The following PLCB1 variants were observed in gnomAD, a reference collection of about 807,000 sequenced individuals.
PLCB1 encodes the protein phospholipase C beta 1.
PLCB1 carries 46 observed loss-of-function variants against 161.8 expected under a neutral mutation model. The observed-to-expected ratio is 0.28, with a 90% CI of 0.22 to 0.36. The LOEUF (loss-of-function observed/expected upper bound fraction) is 0.36. Ranked by LOEUF, PLCB1 falls within the 10% of genes least tolerant of loss-of-function variation. The pLI, the probability that PLCB1 is intolerant of heterozygous loss-of-function variation, is 1.00. For synonymous variants in PLCB1, 517 were observed against 503.7 expected (o/e 1.03, Z -0.35); for missense variants, 1,016 against 1,472.5 (o/e 0.69, Z 5.07).
intron 2 of PLCB1, among the ~76,000 whole-genome samples, chr20:8,262,307 T>C (rs1246785424): frequency 6.6e-6 from 1 of 152,034 alleles, no homozygotes; most frequent in African/African-American, 2.4e-5. Context: ...GTCAGGCTGG[T>C]CTCGAACTCC....
intron 2 of PLCB1, among the ~76,000 whole-genome samples, chr20:8,296,370 G>A (rs1983630502): frequency 6.6e-6 from 1 of 152,064 alleles, no homozygotes. Context: ...CCTCACTTCC[G>A]TGCTGTGCTC....
In PLCB1 at chr20:8,628,370, G is replaced by C. The variant is rs1988424341; in HGVS notation, c.323G>C (p.Gly108Ala). The C allele has an allele frequency of 6.2e-7, 1 of 1,614,034 alleles. No homozygotes were observed. The highest frequency in any genetic ancestry group is 1.1e-5 in the South Asian group (1 of 91,074). Residue 108 changes from glycine (G) to alanine (A), a missense_variant, in exon 4 of 32, where the codon GGG becomes GCG. Gly to Ala is a moderately conservative substitution (Grantham distance 60, BLOSUM62 0). Coordinates refer to ENST00000338037, the MANE Select transcript of PLCB1 (RefSeq NM_015192.4). ...LEQRMITVVY[G>A]PDLVNISHLN... ...CAGCGCATGATCACAGTGGTGTATGGGCCTGACCTCGTGAACATCTCCCAT... is the reference window on the plus strand; with the variant it reads ...CAGCGCATGATCACAGTGGTGTATGCGCCTGACCTCGTGAACATCTCCCAT...
chr20:8,742,806 C>T (rs545044564), intron 23 of PLCB1, among the ~76,000 whole-genome samples: 62 of 152,240 alleles, frequency 4.1e-4, no homozygotes, highest in Non-Finnish European at 5.3e-4. Context: ...TGCAATGCTG[C>T]ACTATTTTAT....
chr20:8,348,280 A>G (rs1986059632), intron 2 of PLCB1, among the ~76,000 whole-genome samples: 1 of 152,190 alleles, frequency 6.6e-6, no homozygotes, highest in African/African-American at 2.4e-5. Context: ...TGATACAAAC[A>G]TGCACGAAGG....
intron 31 of PLCB1, among the ~76,000 whole-genome samples, chr20:8,811,052 G>A (rs1047875098): frequency 6.6e-6 from 1 of 152,210 alleles, no homozygotes. Context: ...GAGGTAGGAG[G>A]AAAACCAAGA....
intron 3 of PLCB1, among the ~76,000 whole-genome samples, chr20:8,414,778 T>G (rs1360376107): frequency 6.6e-6 from 1 of 152,160 alleles, no homozygotes; most frequent in Non-Finnish European, 1.5e-5. Context: ...GAATTTCTAG[T>G]TTTATTTCAT....
intron 2 of PLCB1, among the ~76,000 whole-genome samples, chr20:8,323,472 G>T (rs141870741): frequency 3.8e-4 from 58 of 152,238 alleles, no homozygotes; most frequent in African/African-American, 1.3e-3. Flanking sequence ...CATATCTGTT[G>T]TCTTGTCTAG....
intron 3 of PLCB1, among the ~76,000 whole-genome samples, chr20:8,588,945 C>T (rs1987067952): frequency 6.6e-6 from 1 of 152,182 alleles, no homozygotes; most frequent in Non-Finnish European, 1.5e-5. Flanking sequence ...CTCCCATCCC[C>T]AGCACAAAAA....
intron 2 of PLCB1, among the ~76,000 whole-genome samples, chr20:8,209,412 T>C (rs1978701451): frequency 6.6e-6 from 1 of 152,154 alleles, no homozygotes; most frequent in Non-Finnish European, 1.5e-5. Flanking sequence ...GAGTTAGTTA[T>C]TGTCTTCAAA....
chr20:8,669,400 G>A (rs1326340813), intron 9 of PLCB1, among the ~76,000 whole-genome samples: 1 of 152,190 alleles, frequency 6.6e-6, no homozygotes, highest in African/African-American at 2.4e-5. Context: ...ATTTTACAAT[G>A]AGGAAAGCGA....
At chr20:8,665,659 C>G (rs1989792751) in intron 9 of PLCB1, among the ~76,000 whole-genome samples, 2 of 152,132 alleles carry the variant, frequency 1.3e-5, no homozygotes, top group Non-Finnish European at 2.9e-5. Flanking sequence ...ACACTTGACT[C>G]TTACTATTTA....
intron 3 of PLCB1, among the ~76,000 whole-genome samples, chr20:8,417,788 A>T (rs1183194483): frequency 5.3e-5 from 8 of 152,240 alleles, no homozygotes; most frequent in Admixed American, 3.3e-4. Context: ...AAAATCGTCA[A>T]ATACCATCTT....
chr20:8,730,097 A>G (rs548362410), intron 18 of PLCB1, among the ~76,000 whole-genome samples: 28 of 152,078 alleles, frequency 1.8e-4, no homozygotes, highest in Admixed American at 5.9e-4. Flanking sequence ...TTATAACAGC[A>G]CTTTTTATTT....
intron 3 of PLCB1, among the ~76,000 whole-genome samples, chr20:8,426,432 C>G (rs1600392731): frequency 6.6e-6 from 1 of 152,202 alleles, no homozygotes; most frequent in Non-Finnish European, 1.5e-5. Flanking sequence ...TGCACCTGCT[C>G]AGACCACAAA....
intron 2 of PLCB1, among the ~76,000 whole-genome samples, chr20:8,347,920 C>T (rs1459845971): frequency 5.9e-5 from 9 of 151,550 alleles, no homozygotes; most frequent in African/African-American, 1.5e-4. Context: ...TGCAGTGAGC[C>T]GAGATCGTGC....
At chr20:8,809,528 T>C (rs1433281098) in intron 31 of PLCB1, among the ~76,000 whole-genome samples, 1 of 151,878 alleles carries the variant, frequency 6.6e-6, no homozygotes, top group Non-Finnish European at 1.5e-5. Context: ...AAATCAACAA[T>C]CTCTAAAACT....
chr20:8,560,927 G>C (rs948304334), intron 3 of PLCB1, among the ~76,000 whole-genome samples: 11 of 151,970 alleles, frequency 7.2e-5, no homozygotes, highest in Non-Finnish European at 1.3e-4. Context: ...ACTGAGGAAA[G>C]ATAACAAGAA....
At chr20:8,156,606 C>G (rs1334968488) in intron 2 of PLCB1, among the ~76,000 whole-genome samples, 2 of 152,136 alleles carry the variant, frequency 1.3e-5, no homozygotes, top group Non-Finnish European at 2.9e-5. Flanking sequence ...CTAAAACAGT[C>G]CTAATTTGGG....
chr20:8,179,282 A>G (rs1228706384), intron 2 of PLCB1, among the ~76,000 whole-genome samples: 1 of 152,010 alleles, frequency 6.6e-6, no homozygotes, highest in African/African-American at 2.4e-5. Context: ...ATATATTTCT[A>G]TTTGTTTGTA....
Sources: allele counts gnomAD v4.1 joint callset (sites outside exome capture counted in the v4.1 genomes callset), GRCh38; gene constraint gnomAD v4.1.1; transcripts MANE v1.5; gene names NCBI Gene and HGNC (gene_info 2026-07-23, HGNC 2026-07-21).